AGBL1: variants seen among roughly 807,000 people sequenced by gnomAD.
The protein encoded by AGBL1 is AGBL carboxypeptidase 1.
In AGBL1, 130 loss-of-function variants were observed where a neutral mutation model predicts 118.9. The observed-to-expected ratio is 1.09, with a 90% confidence interval of 0.95 to 1.26. The LOEUF (loss-of-function observed/expected upper bound fraction) is 1.26. Ranked by LOEUF, AGBL1 falls within the 50% of genes most tolerant of loss-of-function variation. AGBL1 has a pLI of 0.00. For synonymous variants in AGBL1, 555 were observed against 478.9 expected, an observed-to-expected ratio of 1.16 and a Z score of -2.08; for missense variants, 1,584 against 1,298.1, an observed-to-expected ratio of 1.22 and a Z score of -3.38.
At chr15:86,510,739 A>G (rs942886256) in intron 18 of AGBL1, among the ~76,000 whole-genome samples, 1 of 152,128 alleles carries the variant, frequency 6.6e-6, no homozygotes, top group African/African-American at 2.4e-5. Flanking sequence ...ATGATCAGGA[A>G]CAATCAATAT....
intron 18 of AGBL1, among the ~76,000 whole-genome samples, chr15:86,518,942 C>A (rs1110287): frequency 0.67 from 101,347 of 150,598 alleles, 35,876 homozygotes; most frequent in African/African-American, 0.9. Flanking sequence ...TATTTAGTGC[C>A]TATAAACTTT....
intron 18 of AGBL1, among the ~76,000 whole-genome samples, chr15:86,519,506 A>G (rs113000830): frequency 8.0e-4 from 122 of 152,336 alleles, no homozygotes; most frequent in African/African-American, 2.6e-3. Context: ...AATCTCTGAT[A>G]TTATTAACAC....
chr15:86,908,120 A>C lies in AGBL1; in HGVS notation c.*826A>C, dbSNP rs953845446. 3 of 152,190 alleles carry C rather than the reference A, an allele frequency of 2.0e-5. No individual in the cohort carries two copies. The highest frequency in any genetic ancestry group is 2.9e-5 in the Non-Finnish European group (2 of 68,032). 9.4% of individuals were successfully genotyped at this position (152,190 alleles called of 1,614,324 possible). The stretch of plus-strand genomic sequence containing the variant: ...AAGTAATTAAATTTTCCTAAACTTC[A>C]GTTTTCTTATATATAAAATGTGGAT... On this transcript the variant is annotated 3_prime_UTR_variant, in exon 23 of 23. Transcript: ENST00000614907.
Position 86,429,455 on chromosome 15 carries a change from G to A in AGBL1, c.2555+31909G>A, listed in dbSNP as rs554663056. 4.6e-5 allele frequency among the ~76,000 whole-genome samples: 7 copies of A among 152,206 alleles called. No individual in the cohort carries two copies. The South Asian group carries it at 1.5e-3, about 32-fold the overall frequency. On this transcript the variant is annotated intron_variant, in intron 18 of 22. Transcript: ENST00000614907. ...GTAAAAGTTTTAAAAAATGCATTGA[G>A]CATAATAGACTGTCAGCCATGCTAT... is the stretch of plus-strand genomic sequence containing the variant.
intron 1 of AGBL1, chr15:86,104,937 A>G (rs1276310672): frequency 1.3e-5 from 2 of 152,100 alleles, no homozygotes; most frequent in Non-Finnish European, 2.9e-5. Flanking sequence ...CATGGTGAGA[A>G]TGTGGACCAC....
chr15:86,658,839 G>C (rs1322226131), intron 21 of AGBL1, among the ~76,000 whole-genome samples: 1 of 152,150 alleles, frequency 6.6e-6, no homozygotes, highest in Admixed American at 6.6e-5. Flanking sequence ...ACACTAAGGA[G>C]AGCAATCCTC....
At chr15:86,218,090 G>A (rs1458914749) in intron 5 of AGBL1, among the ~76,000 whole-genome samples, 1 of 152,098 alleles carries the variant, frequency 6.6e-6, no homozygotes, top group Admixed American at 6.6e-5. Flanking sequence ...AATAACCTAG[G>A]AAGTTAAAAT....
chr15:86,980,982 G>C (rs1324430728), intron 23 of AGBL1, among the ~76,000 whole-genome samples: 1 of 146,568 alleles, frequency 6.8e-6, no homozygotes, highest in Non-Finnish European at 1.5e-5. Flanking sequence ...CACCTCCCAG[G>C]TTCAAGCAAT....
intron 14 of AGBL1, among the ~76,000 whole-genome samples, chr15:86,270,781 C>A (rs964100694): frequency 6.6e-6 from 1 of 152,182 alleles, no homozygotes; most frequent in Non-Finnish European, 1.5e-5. Context: ...CAAATTGTCA[C>A]AAACTTGGTG....
At chr15:86,648,519 A>G (rs527480793) in intron 21 of AGBL1, among the ~76,000 whole-genome samples, 186 of 152,284 alleles carry the variant, frequency 1.2e-3, no homozygotes, top group African/African-American at 4.4e-3. Flanking sequence ...GGTGGGGACA[A>G]TATAAACAAT....
intron 22 of AGBL1, among the ~76,000 whole-genome samples, chr15:86,886,605 AC>A: frequency 1.3e-5 from 2 of 152,288 alleles, no homozygotes; most frequent in South Asian, 4.1e-4. Context: ...CTTCTAAGGG[AC>A]CATACGGTGA....
At chr15:86,455,284 C>A (rs1428500494) in intron 18 of AGBL1, among the ~76,000 whole-genome samples, 1 of 152,112 alleles carries the variant, frequency 6.6e-6, no homozygotes, top group Non-Finnish European at 1.5e-5. Context: ...AAACTTATAA[C>A]AACGTTACAA....
In AGBL1 at chr15:86,859,351, C is replaced by G. The variant is rs966134925; in HGVS notation, c.3159-47736C>G. Among the ~76,000 whole-genome samples, 3 of 152,128 alleles carry G rather than the reference C, an allele frequency of 2.0e-5. No individual in the cohort carries two copies. In the East Asian group the frequency reaches 5.8e-4, roughly 29 times the overall value. ...TGGGCACTAATTGAGCATTAGTGTGCCAGGTGCTAGGGTGTAAACATGAAC... is the reference window on the plus strand; with the variant it reads ...TGGGCACTAATTGAGCATTAGTGTGGCAGGTGCTAGGGTGTAAACATGAAC... On this transcript the variant is annotated intron_variant, in intron 22 of 22. Coordinates refer to ENST00000614907, the MANE Select transcript of AGBL1 (RefSeq NM_001386094.1).
At chr15:87,019,952 A>AC (rs2081645879) in intron 24 of AGBL1, among the ~76,000 whole-genome samples, 1 of 152,166 alleles carries the variant, frequency 6.6e-6, no homozygotes, top group Non-Finnish European at 1.5e-5. Context: ...CCACAGAAAT[A>AC]TAAACAACCA....
In AGBL1 at chr15:86,717,949, G is replaced by T. The variant is rs528353147; in HGVS notation, c.3158+43513G>T. ...AAAAATTAGCTGGGCGTGATGGCAT[G>T]CACCTGTAATCTCAGCTACTCAGGA... On this transcript the variant is annotated intron_variant, in intron 22 of 22. Transcript: ENST00000614907. Among the ~76,000 whole-genome samples the T allele has an allele frequency of 8.8e-4, 134 of 152,182 alleles. 1 individual carries two copies. Among genetic ancestry groups the T allele is most frequent in the Non-Finnish European group, 1.7e-3 (113 of 68,008 alleles).
At chr15:86,409,471 C>T (rs1407740522) in intron 18 of AGBL1, among the ~76,000 whole-genome samples, 4 of 152,142 alleles carry the variant, frequency 2.6e-5, no homozygotes, top group Middle Eastern at 3.2e-3. Context: ...TTCCCACCAT[C>T]GCCTGCATAC....
At chr15:86,393,456 A>C (rs1472453949) in intron 17 of AGBL1, among the ~76,000 whole-genome samples, 1 of 152,208 alleles carries the variant, frequency 6.6e-6, no homozygotes, top group African/African-American at 2.4e-5. Context: ...AACATAGTTC[A>C]AAAATCACAA....
Position 86,113,288 on chromosome 15 carries a change from T to C in AGBL1, c.52-28716T>C, listed in dbSNP as rs1471858903. 6.3e-5 allele frequency among the ~76,000 whole-genome samples: 6 copies of C among 94,916 alleles called. No individual in the cohort carries two copies. In the South Asian group the frequency reaches 9.7e-4, roughly 15 times the overall value. The allele number at this position is 94,916 out of a possible 152,430, so 62.3% of individuals were successfully genotyped here. On this transcript the variant is annotated intron_variant, in intron 1 of 22. Transcript: ENST00000614907. ...TTCTTTCTTTCTTTTTCTTTCTTTCTTTTTTTTTTTTTTTTTGGAGACTGA... is the reference window on the plus strand; with the variant it reads ...TTCTTTCTTTCTTTTTCTTTCTTTCCTTTTTTTTTTTTTTTTGGAGACTGA...
intron 17 of AGBL1, among the ~76,000 whole-genome samples, chr15:86,391,507 T>G (rs1447926927): frequency 6.6e-6 from 1 of 152,092 alleles, no homozygotes; most frequent in Non-Finnish European, 1.5e-5. Flanking sequence ...CTGGACTTCA[T>G]GTTAGCTGCA....
Sources: gnomAD v4.1 joint callset for allele counts (sites outside exome capture counted in the v4.1 genomes callset) on GRCh38, gnomAD v4.1.1 for gene constraint, MANE v1.5 for transcripts, NCBI Gene and HGNC (gene_info 2026-07-23, HGNC 2026-07-21) for gene names.